The following TENM1 variants were observed in gnomAD, a reference collection of about 807,000 sequenced individuals.
TENM1 encodes teneurin-1.
In TENM1, 35 loss-of-function variants were observed where a neutral mutation model predicts 174.8. The ratio of observed to expected loss-of-function variants is 0.20; its 90% CI spans 0.15 to 0.27. The LOEUF is 0.27. TENM1 is among the 10% of genes least tolerant of loss of function. The pLI, the probability that TENM1 is intolerant of heterozygous loss-of-function variation, is 1.00. For missense variants in TENM1, 1,633 were observed against 2,130.1 expected (o/e 0.77, Z 4.59); for synonymous variants, 781 against 798.7 (o/e 0.98, Z 0.37).
chrX:124,770,328 C>A (rs1002110472), intron 3 of TENM1, among the ~76,000 whole-genome samples: 2 of 111,422 alleles, frequency 1.8e-5, no homozygotes. Context: ...ATATTTCACA[C>A]CAGTACAGAA....
intron 11 of TENM1, among the ~76,000 whole-genome samples, chrX:124,631,074 C>A (rs1023030750): frequency 9.0e-6 from 1 of 111,380 alleles, no homozygotes; most frequent in South Asian, 3.8e-4. Context: ...TTAAGAAAGC[C>A]AAAAACAAGA....
chrX:124,864,082 C>T (rs987860702), intron 3 of TENM1, among the ~76,000 whole-genome samples: 1 of 112,326 alleles, frequency 8.9e-6, no homozygotes, highest in Non-Finnish European at 1.9e-5. Context: ...TATCACAACA[C>T]ACAAGTCTTT....
At chrX:124,895,837 C>T (rs986492352) in intron 2 of TENM1, 144 bp downstream of exon 5, 1 of 640,264 alleles carries the variant, frequency 1.6e-6, no homozygotes. Context: ...TAGGTGCATG[C>T]CTTGTCCATG....
At chrX:125,178,496 G>A in the TENM1 span, among the ~76,000 whole-genome samples, 1 of 110,266 alleles carries the variant, frequency 9.1e-6, no homozygotes, top group East Asian at 2.8e-4. Context: ...CAACCTTAGA[G>A]AGATAGATTC....
intron 11 of TENM1, among the ~76,000 whole-genome samples, chrX:124,610,329 C>G (rs927246408): frequency 2.7e-5 from 3 of 111,987 alleles, no homozygotes; most frequent in Non-Finnish European, 5.6e-5. Flanking sequence ...ACAGCTTAGA[C>G]AGTAGATGTT....
intron 3 of TENM1, among the ~76,000 whole-genome samples, chrX:124,784,434 C>G (rs138808874): frequency 4.9e-3 from 550 of 111,711 alleles, no homozygotes; most frequent in Non-Finnish European, 6.5e-3. Context: ...AAAGACAAGT[C>G]ATTCATGATC....
intron 11 of TENM1, among the ~76,000 whole-genome samples, chrX:124,641,053 G>A (rs2051005723): frequency 9.0e-6 from 1 of 110,652 alleles, no homozygotes; most frequent in South Asian, 3.8e-4. Context: ...CTTGATGGAC[G>A]GGTTGGATTT....
intron 28 of TENM1, among the ~76,000 whole-genome samples, chrX:124,388,898 A>T (rs1295557692): frequency 8.9e-6 from 1 of 112,338 alleles, no homozygotes; most frequent in Non-Finnish European, 1.9e-5. Flanking sequence ...TTATTAAATG[A>T]TTATAAAATA....
At chrX:125,039,667 A>T in the TENM1 span, among the ~76,000 whole-genome samples, 1 of 111,591 alleles carries the variant, frequency 9.0e-6, no homozygotes, top group Non-Finnish European at 1.9e-5. Context: ...CAACCCAGAA[A>T]ACAGAATCAG....
At chrX:124,957,277 C>CA (rs1240503093) in intron 1 of TENM1, among the ~76,000 whole-genome samples, 469 of 86,896 alleles carry the variant, frequency 5.4e-3, no homozygotes, top group African/African-American at 0.013. Flanking sequence ...GTAATCTTGG[C>CA]AAAAAAAAAA....
chrX:125,124,460 T>C, the TENM1 span, among the ~76,000 whole-genome samples: 19 of 112,045 alleles, frequency 1.7e-4, no homozygotes, highest in Non-Finnish European at 3.2e-4. Context: ...ACTTTTCCAC[T>C]GTTTAAAAAG....
At chrX:124,866,593 T>G (rs1318394861) in intron 3 of TENM1, among the ~76,000 whole-genome samples, 2 of 111,071 alleles carry the variant, frequency 1.8e-5, no homozygotes, top group Admixed American at 1.9e-4. Flanking sequence ...CCATGCATTT[T>G]AAGGAATTAG....
At chrX:124,693,388 T>C (rs973392754) in intron 5 of TENM1, among the ~76,000 whole-genome samples, 3 of 111,950 alleles carry the variant, frequency 2.7e-5, no homozygotes, top group African/African-American at 9.7e-5. Flanking sequence ...AATATAATTA[T>C]ATGTAGTTTG....
chrX:124,901,638 C>A (rs1184739446), intron 1 of TENM1, among the ~76,000 whole-genome samples: 1 of 110,939 alleles, frequency 9.0e-6, no homozygotes, highest in African/African-American at 3.3e-5. Context: ...CCACCACACA[C>A]AGATAATTTT....
chrX:124,546,136 A>G (rs2048423752), intron 15 of TENM1, among the ~76,000 whole-genome samples: 1 of 111,866 alleles, frequency 8.9e-6, no homozygotes, highest in Admixed American at 9.5e-5. Flanking sequence ...TCCTGGACAA[A>G]TACTTTCCAT....
chrX:124,567,634 G>A (rs979760140), intron 11 of TENM1, among the ~76,000 whole-genome samples: 10 of 111,815 alleles, frequency 8.9e-5, no homozygotes, highest in Non-Finnish European at 1.5e-4. Flanking sequence ...ATCAGGTTGT[G>A]AGAAAAGTCT....
At chrX:124,982,456 T>C in the TENM1 span, among the ~76,000 whole-genome samples, 15 of 111,157 alleles carry the variant, frequency 1.3e-4, no homozygotes, top group Non-Finnish European at 2.6e-4. Flanking sequence ...CAAGAGTGTC[T>C]ACCTCTTATC....
intron 3 of TENM1, among the ~76,000 whole-genome samples, chrX:124,810,971 T>A (rs2055757350): frequency 9.0e-6 from 1 of 111,493 alleles, no homozygotes; most frequent in Admixed American, 9.6e-5. Context: ...TCAATAAAGT[T>A]GTTAAGAAAT....
chrX:124,523,961 G>A (rs940656257), intron 16 of TENM1, among the ~76,000 whole-genome samples: 6 of 100,921 alleles, frequency 5.9e-5, no homozygotes, highest in South Asian at 4.8e-4. Context: ...TGCAACCTCC[G>A]CCTCCTGGGT....
Sources: allele counts gnomAD v4.1 joint callset (sites outside exome capture counted in the v4.1 genomes callset), GRCh38; gene constraint gnomAD v4.1.1; transcripts MANE v1.5; gene names NCBI Gene and HGNC (gene_info 2026-07-23, HGNC 2026-07-21).